Variants in B3GALT1 observed in about 807,000 individuals in gnomAD.
B3GALT1 encodes the protein beta-1,3-galactosyltransferase 1.
A neutral mutation model predicts 23.2 loss-of-function variants in B3GALT1; 10 were observed. The ratio of observed to expected loss-of-function variants is 0.43; its 90% confidence interval spans 0.27 to 0.73. The LOEUF (loss-of-function observed/expected upper bound fraction) is 0.73. B3GALT1 is among the 30% of genes least tolerant of loss of function. B3GALT1 has a pLI of 0.21. For missense variants in B3GALT1, 299 were observed against 405.4 expected (o/e 0.74, Z 2.25); for synonymous variants, 156 against 141.5 (o/e 1.10, Z -0.73).
At chr2:167,526,152 T>C (rs1300073145) in intron 2 of B3GALT1, among the ~76,000 whole-genome samples, 2 of 152,074 alleles carry the variant, frequency 1.3e-5, no homozygotes, top group African/African-American at 4.8e-5. Context: ...GGAGATTCAT[T>C]GCTTCAAAGC....
At chr2:167,418,865 C>T (rs974948315) in intron 1 of B3GALT1, among the ~76,000 whole-genome samples, 1 of 152,114 alleles carries the variant, frequency 6.6e-6, no homozygotes, top group Non-Finnish European at 1.5e-5. Context: ...CTTTTCCACC[C>T]ATCTGAGCAA....
intron 1 of B3GALT1, among the ~76,000 whole-genome samples, chr2:167,301,448 T>C (rs1025160137): frequency 3.3e-5 from 5 of 152,322 alleles, no homozygotes; most frequent in African/African-American, 1.2e-4. Flanking sequence ...GAATAGAAAG[T>C]GTGACTTTAC....
chr2:167,709,883 A>G (rs1293717967), intron 3 of B3GALT1, among the ~76,000 whole-genome samples: 1 of 152,190 alleles, frequency 6.6e-6, no homozygotes, highest in Non-Finnish European at 1.5e-5. Context: ...TCTTGTGAGG[A>G]TTAAATAAGT....
intron 1 of B3GALT1, among the ~76,000 whole-genome samples, chr2:167,428,095 G>T (rs1378870520): frequency 6.6e-6 from 1 of 152,084 alleles, no homozygotes; most frequent in African/African-American, 2.4e-5. Context: ...AAGTGTTATC[G>T]AGCCACACAT....
rs191625954 is a variant in B3GALT1, at chr2:167,621,683, A to G, written c.-409-25226A>G. Among the ~76,000 whole-genome samples, 103 of 152,132 alleles carry G rather than the reference A, an allele frequency of 6.8e-4. 3 individuals carry two copies. In the Middle Eastern group the frequency reaches 0.02, roughly 30 times the overall value. ...TCATGGGAGGGACCCAGTGGGAGGTAATTGAATCATGGGAGTGGTTACCCC... is the reference window on the plus strand; with the variant it reads ...TCATGGGAGGGACCCAGTGGGAGGTGATTGAATCATGGGAGTGGTTACCCC... On this transcript the variant is annotated intron_variant, in intron 2 of 4. Transcript: ENST00000392690.
At chr2:167,444,444 A>G (rs1382711459) in intron 1 of B3GALT1, among the ~76,000 whole-genome samples, 3 of 152,212 alleles carry the variant, frequency 2.0e-5, no homozygotes, top group Non-Finnish European at 4.4e-5. Flanking sequence ...AAGGAATGGT[A>G]CCAGCTCCTC....
intron 2 of B3GALT1, among the ~76,000 whole-genome samples, chr2:167,614,389 A>G (rs989175136): frequency 5.3e-5 from 8 of 151,904 alleles, no homozygotes; most frequent in Admixed American, 1.3e-4. Flanking sequence ...AATCATGAGG[A>G]CAGACATTAG....
intron 1 of B3GALT1, among the ~76,000 whole-genome samples, chr2:167,326,743 G>C (rs1480598756): frequency 6.6e-6 from 1 of 152,044 alleles, no homozygotes; most frequent in African/African-American, 2.4e-5. Flanking sequence ...AGGCTGGAGT[G>C]CAATGGTATG....
chr2:167,302,347 T>TA (rs1363309123), intron 1 of B3GALT1, among the ~76,000 whole-genome samples: 1 of 151,738 alleles, frequency 6.6e-6, no homozygotes, highest in Admixed American at 6.6e-5. Flanking sequence ...AAATCTATAC[T>TA]AAAAAAAACT....
chr2:167,712,970 AT>A (rs1687085897), intron 3 of B3GALT1, among the ~76,000 whole-genome samples: 1 of 152,240 alleles, frequency 6.6e-6, no homozygotes, highest in Non-Finnish European at 1.5e-5. Context: ...ATCAGTGACC[AT>A]TTTGGATAAT....
intron 3 of B3GALT1, among the ~76,000 whole-genome samples, chr2:167,793,097 A>G (rs1266719557): frequency 6.6e-6 from 1 of 152,194 alleles, no homozygotes; most frequent in Non-Finnish European, 1.5e-5. Context: ...GTGGAAGTCA[A>G]GTAAGCCCAG....
chr2:167,464,876 G>T (rs1424506249), intron 1 of B3GALT1, among the ~76,000 whole-genome samples: 1 of 152,136 alleles, frequency 6.6e-6, no homozygotes, highest in Admixed American at 6.5e-5. Context: ...TTTCAAATTT[G>T]TATTGGCATT....
intron 3 of B3GALT1, among the ~76,000 whole-genome samples, chr2:167,807,171 C>T (rs1161115302): frequency 2.6e-5 from 4 of 152,146 alleles, no homozygotes; most frequent in Admixed American, 1.3e-4. Context: ...TCCCCTTTAT[C>T]ATTTTTTATT....
intron 3 of B3GALT1, among the ~76,000 whole-genome samples, chr2:167,713,511 A>G (rs1196283116): frequency 6.6e-6 from 1 of 152,188 alleles, no homozygotes; most frequent in East Asian, 1.9e-4. Flanking sequence ...TGTTTAAACC[A>G]TCTTTATTTA....
intron 2 of B3GALT1, among the ~76,000 whole-genome samples, chr2:167,563,965 C>T (rs1433201440): frequency 2.2e-5 from 3 of 137,434 alleles, no homozygotes; most frequent in South Asian, 4.8e-4. Context: ...ACCCCCCCAC[C>T]TCCCTTCCGG....
intron 2 of B3GALT1, among the ~76,000 whole-genome samples, chr2:167,616,720 C>T (rs1483438658): frequency 6.6e-6 from 1 of 150,750 alleles, no homozygotes; most frequent in Non-Finnish European, 1.5e-5. Context: ...AAATAAATAA[C>T]AAGAATATAT....
intron 1 of B3GALT1, among the ~76,000 whole-genome samples, chr2:167,402,973 A>G (rs1007494071): frequency 7.1e-6 from 1 of 140,766 alleles, no homozygotes; most frequent in Admixed American, 7.2e-5. Flanking sequence ...CCCACCCCCG[A>G]TTGCATTCAC....
chr2:167,666,528 C>G (rs2105478319), intron 3 of B3GALT1, among the ~76,000 whole-genome samples: 1 of 151,490 alleles, frequency 6.6e-6, no homozygotes, highest in East Asian at 1.9e-4. Flanking sequence ...TCTTGTTGAT[C>G]TGTCTAATGT....
At chr2:167,535,655 C>CTG (rs1683403741) in intron 2 of B3GALT1, among the ~76,000 whole-genome samples, 1 of 151,510 alleles carries the variant, frequency 6.6e-6, no homozygotes, top group Non-Finnish European at 1.5e-5. Flanking sequence ...AACAGATGCT[C>CTG]TGTTAATTCC....
Sources: allele counts gnomAD v4.1 joint callset (sites outside exome capture counted in the v4.1 genomes callset), GRCh38; gene constraint gnomAD v4.1.1; transcripts MANE v1.5; gene names NCBI Gene and HGNC (gene_info 2026-07-23, HGNC 2026-07-21).